AGAP1: variants seen among roughly 807,000 people sequenced by gnomAD.
AGAP1 encodes the protein arf-GAP with GTPase, ANK repeat and PH domain-containing protein 1.
A neutral mutation model predicts 105.3 loss-of-function variants in AGAP1; 29 were observed. The ratio of observed to expected loss-of-function variants is 0.28; its 90% confidence interval spans 0.21 to 0.38. The LOEUF (loss-of-function observed/expected upper bound fraction) is 0.38, where lower values mean the gene tolerates loss of function less well. Among genes scored for constraint, AGAP1 ranks in the 10% least tolerant of loss-of-function variants. The pLI is 1.00. For missense variants in AGAP1, 998 were observed against 1,165.1 expected (o/e 0.86, Z 2.09); for synonymous variants, 509 against 485.9 (o/e 1.05, Z -0.63).
At chr2:235,849,706 C>T (rs1046994537) in intron 9 of AGAP1, among the ~76,000 whole-genome samples, 1 of 152,186 alleles carries the variant, frequency 6.6e-6, no homozygotes, top group Admixed American at 6.5e-5. Flanking sequence ...CCCAGCCCCT[C>T]GCCTGGCCCT....
intron 1 of AGAP1, among the ~76,000 whole-genome samples, chr2:235,644,206 G>A (rs551063660): frequency 9.2e-5 from 14 of 152,332 alleles, no homozygotes; most frequent in African/African-American, 2.9e-4. Context: ...CCTTGGAGGC[G>A]AGATGAGAGG....
In AGAP1 at chr2:235,728,668, A is replaced by G. The variant is rs1378704453; in HGVS notation, c.310+11024A>G. 2.0e-5 allele frequency among the ~76,000 whole-genome samples: 3 copies of G among 151,980 alleles called. No individual in the cohort carries two copies. The highest frequency in any genetic ancestry group is 7.3e-5 in the African/African-American group (3 of 41,308). On this transcript the variant is annotated intron_variant, in intron 3 of 17. Coordinates refer to ENST00000304032, the MANE Select transcript of AGAP1 (RefSeq NM_001037131.3). The surrounding 1 kb of genome is among the most constrained non-coding windows in gnomAD (Gnocchi z 4.3). ...CGCCAGCATTTATTTTCTGAGCCCC[A>G]TTTCTTAATGTTGTATATTTTTTTA...
intron 13 of AGAP1, among the ~76,000 whole-genome samples, chr2:236,010,477 C>G (rs993564321): frequency 3.9e-5 from 6 of 152,238 alleles, no homozygotes; most frequent in Non-Finnish European, 7.3e-5. Flanking sequence ...ATTAAAGTTT[C>G]TATCACACTT....
chr2:236,076,443 T>G lies in AGAP1; in HGVS notation c.2114+27162T>G, dbSNP rs946176704. Among the ~76,000 whole-genome samples, 2 of 151,586 alleles carry G rather than the reference T, an allele frequency of 1.3e-5. No individual in the cohort carries two copies. Among genetic ancestry groups the G allele is most frequent in the African/African-American group, 4.9e-5 (2 of 41,220 alleles). ...CTGGGTGACAGAGTGAGACTCCATC[T>G]CAAAAAAAAATAAAGTCTTGAGAAT... is the stretch of plus-strand genomic sequence containing the variant. On this transcript the variant is annotated intron_variant, in intron 16 of 17. Transcript: ENST00000304032. This position sits in a 1 kb window ranked among gnomAD's most constrained non-coding sequence, Gnocchi z 4.4.
chr2:236,111,053 A>G (rs911095596), intron 16 of AGAP1, among the ~76,000 whole-genome samples: 1 of 152,228 alleles, frequency 6.6e-6, no homozygotes, highest in Non-Finnish European at 1.5e-5. Flanking sequence ...GGGCAGGGCC[A>G]TCATCACCTA....
chr2:235,946,820 C>T (rs950843598), intron 12 of AGAP1, among the ~76,000 whole-genome samples: 1 of 152,150 alleles, frequency 6.6e-6, no homozygotes, highest in African/African-American at 2.4e-5. Context: ...CCAGGCATAT[C>T]CCTGCCACCC....
At chr2:236,093,274 G>C (rs2059110616) in intron 16 of AGAP1, among the ~76,000 whole-genome samples, 1 of 152,174 alleles carries the variant, frequency 6.6e-6, no homozygotes, top group South Asian at 2.1e-4. Context: ...GGGAGGGGAG[G>C]AACAAGATAT....
intron 16 of AGAP1, among the ~76,000 whole-genome samples, chr2:236,118,545 A>G (rs960227263): frequency 1.2e-4 from 18 of 151,252 alleles, no homozygotes; most frequent in African/African-American, 4.4e-4. Flanking sequence ...GCCTGCCACC[A>G]CACCGGCTAA....
At chr2:235,886,439 C>A (rs1048640720) in intron 10 of AGAP1, among the ~76,000 whole-genome samples, 1 of 152,216 alleles carries the variant, frequency 6.6e-6, no homozygotes, top group African/African-American at 2.4e-5. Flanking sequence ...AGGCCTAAAG[C>A]CTGTTTGCTT....
At chr2:235,890,220 G>A (rs557498856) in intron 10 of AGAP1, among the ~76,000 whole-genome samples, 5 of 150,308 alleles carry the variant, frequency 3.3e-5, no homozygotes, top group Admixed American at 1.3e-4. Context: ...GAGTGCAGTG[G>A]CACGATCTCA....
rs898916080 is a variant in AGAP1, at chr2:236,096,680, G to T, written c.2115-23512G>T. Among the ~76,000 whole-genome samples, 3 of 151,952 alleles carry T rather than the reference G, an allele frequency of 2.0e-5. No homozygotes were observed. The highest frequency in any genetic ancestry group is 4.4e-5 in the Non-Finnish European group (3 of 68,008). ...TGCAACCTCTGCCTCCCCGGTTCAA[G>T]TGATTCTTCTGCCTCGGCCTCCTGA... On this transcript the variant is annotated intron_variant, in intron 16 of 17. Transcript: ENST00000304032. The surrounding 1 kb of genome is among the most constrained non-coding windows in gnomAD (Gnocchi z 4.4).
intron 13 of AGAP1, among the ~76,000 whole-genome samples, chr2:236,021,215 C>A (rs2056873272): frequency 6.6e-6 from 1 of 151,742 alleles, no homozygotes; most frequent in African/African-American, 2.4e-5. Flanking sequence ...TTTAGGAAAC[C>A]CTTGCATGGG....
rs1372102952 is a variant in AGAP1, at chr2:235,642,240, G to C, written c.164-66939G>C. ...GCATGTGCAATGGGATCTCTTTCCT[G>C]AGTGCGCATTTCTTTCCTCACATTT... On this transcript the variant is annotated intron_variant, in intron 1 of 17. Coordinates refer to ENST00000304032, the MANE Select transcript of AGAP1 (RefSeq NM_001037131.3). The surrounding 1 kb of genome is among the most constrained non-coding windows in gnomAD (Gnocchi z 4.1). Among the ~76,000 whole-genome samples the C allele has an allele frequency of 6.6e-6, 1 of 152,188 alleles. No individual in the cohort carries two copies. The highest frequency in any genetic ancestry group is 1.5e-5 in the Non-Finnish European group (1 of 68,036).
chr2:235,719,526 G>A lies in AGAP1; in HGVS notation c.310+1882G>A, dbSNP rs935864129. 6.6e-6 allele frequency among the ~76,000 whole-genome samples: 1 copy of A among 152,164 alleles called. No homozygotes were observed. Among genetic ancestry groups the A allele is most frequent in the Non-Finnish European group, 1.5e-5 (1 of 68,024 alleles). On this transcript the variant is annotated intron_variant, in intron 3 of 17. Transcript: ENST00000304032. This position sits in a 1 kb window ranked among gnomAD's most constrained non-coding sequence, Gnocchi z 4.9. The stretch of plus-strand genomic sequence containing the variant: ...TGATCACTAACATCCCTGCTTCTTT[G>A]ATTTTTCAAGTAATGCATTTTACTG...
chr2:235,939,870 C>G (rs531821331), intron 12 of AGAP1, among the ~76,000 whole-genome samples: 5 of 152,304 alleles, frequency 3.3e-5, no homozygotes, highest in African/African-American at 1.2e-4. Context: ...CAGCTCTCTC[C>G]TGTCCTCCCT....
chr2:236,059,713 C>T (rs935264285), intron 16 of AGAP1, among the ~76,000 whole-genome samples: 5 of 152,286 alleles, frequency 3.3e-5, no homozygotes, highest in African/African-American at 1.2e-4. Context: ...ACATCTTCCC[C>T]ATCAATGGGG....
intron 1 of AGAP1, among the ~76,000 whole-genome samples, chr2:235,706,327 C>G (rs1259811794): frequency 6.6e-6 from 1 of 152,190 alleles, no homozygotes; most frequent in Non-Finnish European, 1.5e-5. Flanking sequence ...TGGGTTGATG[C>G]CATTCTCCTG....
intron 13 of AGAP1, among the ~76,000 whole-genome samples, chr2:236,013,606 T>TG (rs1298983106): frequency 6.6e-6 from 1 of 152,090 alleles, no homozygotes; most frequent in African/African-American, 2.4e-5. Context: ...AGATAAGTGC[T>TG]GCTCACCTGC....
chr2:235,537,952 A>T (rs1943296255), intron 1 of AGAP1, among the ~76,000 whole-genome samples: 1 of 152,064 alleles, frequency 6.6e-6, no homozygotes, highest in Non-Finnish European at 1.5e-5. Flanking sequence ...TCTTTTTCTG[A>T]TATTTTGTAC....
Sources: allele counts gnomAD v4.1 joint callset (sites outside exome capture counted in the v4.1 genomes callset), GRCh38; gene constraint gnomAD v4.1.1; non-coding constraint Gnocchi (gnomAD v3.1); transcripts MANE v1.5; gene names NCBI Gene and HGNC (gene_info 2026-07-23, HGNC 2026-07-21).